Variants in COL5A2 observed in about 807,000 individuals in gnomAD.
COL5A2 encodes the protein collagen type V alpha 2 chain, also known as collagen alpha-2(V) chain.
Under a neutral mutation model 208.2 loss-of-function variants are expected in COL5A2, and 23 were observed. That is an observed-to-expected ratio of 0.11 (90% CI 0.08 to 0.16). The LOEUF is 0.16. Ranked by LOEUF, COL5A2 falls within the 10% of genes least tolerant of loss-of-function variation. COL5A2 has a pLI of 1.00. For missense variants in COL5A2, 1,590 were observed against 1,956.4 expected, an observed-to-expected ratio of 0.81 and a Z score of 3.53; for synonymous variants, 625 against 628.5, an observed-to-expected ratio of 0.99 and a Z score of 0.08.
At chr2:189,042,213 T>C (rs1042264741) in intron 49 of COL5A2, among the ~76,000 whole-genome samples, 2 of 152,230 alleles carry the variant, frequency 1.3e-5, no homozygotes, top group African/African-American at 4.8e-5. Context: ...AATTGTCTTA[T>C]GCCATCAATG....
chr2:189,125,267 A>G (rs879657927), intron 1 of COL5A2, among the ~76,000 whole-genome samples: 3 of 152,180 alleles, frequency 2.0e-5, no homozygotes, highest in Admixed American at 6.5e-5. Flanking sequence ...CAGTATCTGA[A>G]TTGGTAAATA....
chr2:189,075,392 C>T lies in COL5A2; in HGVS notation c.1104+1G>A. On this transcript the variant is annotated splice_donor_variant, in intron 17 of 53. Coordinates refer to ENST00000374866, the MANE Select transcript of COL5A2 (RefSeq NM_000393.5). LOFTEE classifies it high-confidence loss of function. Reference sequence around the variant, plus strand: ...ATTAATATGAAAATAATATAACTCACCATTGGTCCAGGTTTTCCAGGCATA... The same window carrying T: ...ATTAATATGAAAATAATATAACTCATCATTGGTCCAGGTTTTCCAGGCATA... The T allele has an allele frequency of 6.3e-7, 1 of 1,592,126 alleles. No homozygotes were observed. The highest frequency in any genetic ancestry group is 8.6e-7 in the Non-Finnish European group (1 of 1,160,632).
In COL5A2 at chr2:189,057,518, C is replaced by A. The variant is rs193083827; in HGVS notation, c.2230-91G>T. ...TTAGTGGGTCAAAAGTAGTTGTCAG[C>A]AATTTCATGTAGTTCAACTTAGTGC... On this transcript the variant is annotated intron_variant, in intron 33 of 53. Transcript: ENST00000374866. 6.8e-4 allele frequency: 617 copies of A among 903,148 alleles called. 5 individuals are homozygous for A. Among genetic ancestry groups the A allele is most frequent in the African/African-American group, 2.0e-3 (123 of 61,224 alleles). 55.9% of individuals were successfully genotyped at this position (903,148 alleles called of 1,614,324 possible).
chr2:189,186,809 C>A (rs1282107839), intron 1 of COL5A2, among the ~76,000 whole-genome samples: 1 of 152,112 alleles, frequency 6.6e-6, no homozygotes, highest in Admixed American at 6.5e-5. Context: ...CTATCTATAT[C>A]CAAATTTTAT....
intron 18 of COL5A2, 136 bp from the exon 19 acceptor site, chr2:189,069,020 T>C: frequency 1.4e-6 from 1 of 709,082 alleles, no homozygotes; most frequent in Non-Finnish European, 2.5e-6. Flanking sequence ...AAGAGATGCG[T>C]GCCCAACCAA....
the COL5A2 span, among the ~76,000 whole-genome samples, chr2:189,267,732 A>G: frequency 6.6e-6 from 1 of 152,112 alleles, no homozygotes; most frequent in South Asian, 2.1e-4. Context: ...AATGCGGGCA[A>G]TGTGTGTCTC....
chr2:189,180,415 G>A (rs1344153705), upstream of COL5A2, among the ~76,000 whole-genome samples: 1 of 152,090 alleles, frequency 6.6e-6, no homozygotes, highest in Non-Finnish European at 1.5e-5. Flanking sequence ...TTGTTAAGGG[G>A]CCACATCTTC....
intron 7 of COL5A2, among the ~76,000 whole-genome samples, chr2:189,090,362 T>C (rs1480515503): frequency 3.9e-5 from 6 of 152,194 alleles, no homozygotes; most frequent in Admixed American, 1.3e-4. Context: ...TGTTGGTTTA[T>C]GAGGTTAAAG....
the COL5A2 span, among the ~76,000 whole-genome samples, chr2:189,435,862 A>G: frequency 6.6e-6 from 1 of 152,172 alleles, no homozygotes; most frequent in Non-Finnish European, 1.5e-5. Context: ...ATGCTGCTAT[A>G]AAGACACACG....
the COL5A2 span, among the ~76,000 whole-genome samples, chr2:189,431,083 A>G: frequency 6.6e-6 from 1 of 152,230 alleles, no homozygotes; most frequent in Non-Finnish European, 1.5e-5. Context: ...AGCAAACTCC[A>G]ACAGACCTGC....
At chr2:189,107,447 T>A (rs1004344470) in intron 2 of COL5A2, among the ~76,000 whole-genome samples, 12 of 151,536 alleles carry the variant, frequency 7.9e-5, no homozygotes, top group African/African-American at 2.7e-4. Context: ...TTAGGTTAGA[T>A]CTTTTGGTTG....
intron 2 of COL5A2, among the ~76,000 whole-genome samples, chr2:189,105,465 A>G (rs964185454): frequency 2.0e-5 from 3 of 151,610 alleles, no homozygotes; most frequent in African/African-American, 7.2e-5. Flanking sequence ...AGAAAATTTG[A>G]CAGTTTTGTC....
At chr2:189,190,328 T>C (rs1277760843) in intron 1 of COL5A2, among the ~76,000 whole-genome samples, 4 of 152,162 alleles carry the variant, frequency 2.6e-5, no homozygotes, top group Admixed American at 6.5e-5. Flanking sequence ...GGAGTGAGAT[T>C]TTATAAATGT....
At chr2:189,092,445 A>G (rs1329834050) in intron 6 of COL5A2, 25 bp from the exon 7 acceptor site, 2 of 1,405,630 alleles carry the variant, frequency 1.4e-6, no homozygotes, top group Admixed American at 3.8e-5. Flanking sequence ...AGTTAAAATT[A>G]GAACCCACTG....
chr2:189,327,953 T>C, the COL5A2 span, among the ~76,000 whole-genome samples: 1 of 152,204 alleles, frequency 6.6e-6, no homozygotes, highest in Non-Finnish European at 1.5e-5. Context: ...ATACTTCTAA[T>C]GTGATTTAAA....
chr2:189,362,329 A>G, the COL5A2 span, among the ~76,000 whole-genome samples: 2 of 152,184 alleles, frequency 1.3e-5, no homozygotes, highest in East Asian at 3.8e-4. Flanking sequence ...AGTATTGTAG[A>G]TGCTTCAAAC....
rs757794938 is a variant in COL5A2, at chr2:189,052,890, G to GTTA, written c.2661+20_2661+21insTAA. ...ACATGGGGCACTTGACTCAAGTTAT[G>GTTA]CCTTTTTCTTGTTAACTTACATGAG... On this transcript the variant is annotated intron_variant, in intron 39 of 53. Transcript: ENST00000374866. The GTTA allele has an allele frequency of 3.7e-5, 60 of 1,611,738 alleles. No individual in the cohort carries two copies. In the South Asian group the frequency reaches 6.2e-4, roughly 17 times the overall value.
At chr2:189,298,989 G>A in the COL5A2 span, among the ~76,000 whole-genome samples, 5,618 of 152,188 alleles carry the variant, frequency 0.037, 119 homozygotes, top group Admixed American at 0.05. Flanking sequence ...TGAACATTGA[G>A]TCCCACTGAA....
chr2:189,034,212 C>A lies in COL5A2; in HGVS notation c.4358G>T (p.Arg1453Leu). The A allele has an allele frequency of 6.2e-7, 1 of 1,613,832 alleles. No homozygotes were observed. Among genetic ancestry groups the A allele is most frequent in the Non-Finnish European group, 8.5e-7 (1 of 1,179,856 alleles). Reference protein sequence around the residue: ...YIVLQDTCSKRNGNVGKTVFE... With the variant: ...YIVLQDTCSKLNGNVGKTVFE... ...GACAGTCTTGCCCACATTTCCATTC[C>A]GCTTCTGAAATTAAATGATGCAATG... The change falls in exon 54 of 54, where the codon CGG becomes CTG. Residue 1453 changes from arginine to leucine, a missense_variant. Transcript: ENST00000374866.
Sources: gnomAD v4.1 joint callset for allele counts (sites outside exome capture counted in the v4.1 genomes callset) on GRCh38, gnomAD v4.1.1 for gene constraint, MANE v1.5 for transcripts, NCBI Gene and HGNC (gene_info 2026-07-23, HGNC 2026-07-21) for gene names.